Variants in ABCA12 observed in about 807,000 individuals in gnomAD.
ABCA12 encodes glucosylceramide transporter ABCA12.
Under a neutral mutation model 293.5 loss-of-function variants are expected in ABCA12, and 156 were observed. That is an observed-to-expected ratio of 0.53 (90% CI 0.47 to 0.61). The LOEUF (loss-of-function observed/expected upper bound fraction) is 0.61, where lower values mean the gene tolerates loss of function less well. Among genes scored for constraint, ABCA12 ranks in the 20% least tolerant of loss-of-function variants. ABCA12 has a pLI of 0.00. For missense variants in ABCA12, 2,797 were observed against 3,090.2 expected (o/e 0.91, Z 2.25); for synonymous variants, 1,063 against 1,108.0 (o/e 0.96, Z 0.81).
At chr2:214,964,732 A>C (rs1699212434) in intron 39 of ABCA12, among the ~76,000 whole-genome samples, 1 of 152,216 alleles carries the variant, frequency 6.6e-6, no homozygotes, top group Non-Finnish European at 1.5e-5. Flanking sequence ...CAGAGAGAAC[A>C]CAAACAAATG....
chr2:214,980,755 T>C lies in ABCA12; in HGVS notation c.4580-112A>G. 6.5e-6 allele frequency: 9 copies of C among 1,379,688 alleles called. No individual in the cohort carries two copies. In the South Asian group the frequency reaches 1.1e-4, roughly 16 times the overall value. 85.5% of individuals were successfully genotyped at this position (1,379,688 alleles called of 1,614,324 possible). ...GACATCTGAGAAGAGTCACATTTCA[T>C]GAGCTAACTGAAAAACTGACTGACC... On this transcript the variant is annotated intron_variant, in intron 30 of 52. Transcript: ENST00000272895.
In ABCA12 at chr2:214,947,416, TCTTAC is replaced by T. The variant is rs1399743417; in HGVS notation, c.7239+1_7239+5del. 1 of 1,613,824 alleles carries T rather than the reference TCTTAC, an allele frequency of 6.2e-7. No homozygotes were observed. The highest frequency in any genetic ancestry group is 1.7e-5 in the Admixed American group (1 of 60,008). On this transcript the variant is annotated splice_donor_variant and splice_donor_5th_base_variant and intron_variant, in intron 48 of 52. Coordinates refer to ENST00000272895, the MANE Select transcript of ABCA12 (RefSeq NM_173076.3). LOFTEE classifies it high-confidence loss of function. Reference sequence around the variant, plus strand: ...GAGTGGCCTGTTTAAATAATGATTCTCTTACCAGCAGTAGAATGGAAGGTTTCCCT... The same window carrying T: ...GAGTGGCCTGTTTAAATAATGATTCTCAGCAGTAGAATGGAAGGTTTCCCT...
chr2:215,137,889 T>C (rs114555007), intron 1 of ABCA12, among the ~76,000 whole-genome samples: 2,921 of 151,518 alleles, frequency 0.019, 46 homozygotes, highest in African/African-American at 0.041. Context: ...GTCATGTTCT[T>C]TTTTTTTTGC....
At position 215,039,810 on chromosome 2, in the gene ABCA12, T is replaced by C. The variant is rs181370455; in HGVS notation, c.873-2745A>G. ...AGTAAAAAGAAACAGATGAAATTAA[T>C]TTTAATAATATATTTTAACTCCATA... is the stretch of plus-strand genomic sequence containing the variant. On this transcript the variant is annotated intron_variant, in intron 7 of 52. Transcript: ENST00000272895. Among the ~76,000 whole-genome samples, 459 of 152,098 alleles carry C rather than the reference T, an allele frequency of 3.0e-3. 4 individuals are homozygous for C. Among genetic ancestry groups the C allele is most frequent in the African/African-American group, 0.011 (446 of 41,528 alleles).
chr2:215,048,062 GA>G (rs748970933), intron 6 of ABCA12, among the ~76,000 whole-genome samples: 5 of 151,240 alleles, frequency 3.3e-5, no homozygotes, highest in Non-Finnish European at 5.9e-5. Context: ...ACAAGCATAT[GA>G]AAAAAAGCTC....
At chr2:214,949,245 T>A in intron 45 of ABCA12, 96 bp from the exon 46 acceptor site, 1 of 885,856 alleles carries the variant, frequency 1.1e-6, no homozygotes, top group South Asian at 1.3e-5. Flanking sequence ...TGAAATAAAT[T>A]ACCGAGAAAA....
At chr2:214,939,812 T>C (rs922240182) in intron 50 of ABCA12, among the ~76,000 whole-genome samples, 2 of 152,238 alleles carry the variant, frequency 1.3e-5, no homozygotes, top group African/African-American at 4.8e-5. Context: ...ACATTGATTT[T>C]GTATCTTGAG....
intron 2 of ABCA12, among the ~76,000 whole-genome samples, chr2:215,099,618 A>G (rs893689428): frequency 6.6e-6 from 1 of 151,322 alleles, no homozygotes; most frequent in African/African-American, 2.4e-5. Context: ...ACTTGAACAC[A>G]GGAGGTGGAG....
intron 1 of ABCA12, among the ~76,000 whole-genome samples, chr2:215,134,223 A>G (rs1249565068): frequency 2.1e-5 from 3 of 140,872 alleles, no homozygotes; most frequent in Non-Finnish European, 4.5e-5. Flanking sequence ...TTTCTATTTT[A>G]GCATATATAT....
chr2:215,064,662 T>C (rs1200234193), intron 2 of ABCA12, among the ~76,000 whole-genome samples: 7 of 150,342 alleles, frequency 4.7e-5, no homozygotes, highest in Non-Finnish European at 8.9e-5. Context: ...AGAAAACAGA[T>C]GAACAGAAGA....
At chr2:215,063,342 T>G (rs1218093296) in intron 3 of ABCA12, among the ~76,000 whole-genome samples, 1 of 152,002 alleles carries the variant, frequency 6.6e-6, no homozygotes, top group African/African-American at 2.4e-5. Flanking sequence ...TGAGAGATAC[T>G]CAAAAAATAT....
At chr2:215,077,159 C>T (rs1177676793) in intron 2 of ABCA12, among the ~76,000 whole-genome samples, 2 of 152,102 alleles carry the variant, frequency 1.3e-5, no homozygotes, top group Non-Finnish European at 2.9e-5. Context: ...GCAAATATGA[C>T]ATCAAAATAT....
intron 1 of ABCA12, among the ~76,000 whole-genome samples, chr2:215,124,080 C>A (rs559020457): frequency 4.6e-5 from 7 of 152,286 alleles, no homozygotes; most frequent in Non-Finnish European, 8.8e-5. Context: ...TTATCCAGGT[C>A]ACTGCAAATG....
rs1318334426 is a variant in ABCA12 at position 215,025,719 on chromosome 2, G to A, written c.1241C>T (p.Ser414Phe). ...AACTGGAGGAAAGTAATCTTCATAGGAACCATTGCGAAGAAAAGATTTTTT... is the reference window on the plus strand; with the variant it reads ...AACTGGAGGAAAGTAATCTTCATAGAAACCATTGCGAAGAAAAGATTTTTT... The part of the protein sequence containing the change: ...RFKKSFLRNG[S>F]YEDYFPPVPE... The change falls in exon 11 of 53, where the codon TCC becomes TTC. Residue 414 changes from serine (S) to phenylalanine (F), a missense_variant. Transcript: ENST00000272895. The A allele has an allele frequency of 1.2e-6, 2 of 1,612,614 alleles. No individual in the cohort carries two copies. Among genetic ancestry groups the A allele is most frequent in the South Asian group, 2.2e-5 (2 of 91,016 alleles).
intron 2 of ABCA12, among the ~76,000 whole-genome samples, chr2:215,074,740 G>A (rs1037221842): frequency 2.0e-4 from 30 of 152,038 alleles, no homozygotes; most frequent in Admixed American, 1.6e-3. Context: ...TCAGGAGATC[G>A]AGAACATCCT....
intron 28 of ABCA12, 137 bp downstream of exon 28, chr2:214,986,405 T>G: frequency 1.1e-6 from 1 of 935,606 alleles, no homozygotes. Flanking sequence ...TTCTATAGCA[T>G]ACAAGTTGAA....
rs1286163943 is a variant in ABCA12 at position 215,000,991 on chromosome 2, T to C, written c.2893A>G (p.Ser965Gly). ...CCAGAGTCATAGCCTCTGTGCCAGC[T>C]TCTGTTAGAAGGAAGCTTAAAAATA... ...SVIFKLPSNR[S>G]WHRGYDSGNV... The change falls in exon 22 of 53, where the codon AGC (serine) becomes GGC (glycine). Residue 965 changes from serine to glycine, a missense_variant. Ser to Gly is a moderately conservative substitution (Grantham distance 56). Around this residue, in one of 3 missense-constraint regions of ABCA12, gnomAD observed 2,130 missense variants for 2,427.0 expected, o/e 0.88. Coordinates refer to ENST00000272895, the MANE Select transcript of ABCA12 (RefSeq NM_173076.3). The C allele has an allele frequency of 1.2e-6, 2 of 1,613,926 alleles. No homozygotes were observed. Among genetic ancestry groups the C allele is most frequent in the African/African-American group, 2.7e-5 (2 of 74,930 alleles).
chr2:215,047,535 G>T (rs1701227126), intron 6 of ABCA12, among the ~76,000 whole-genome samples: 2 of 152,280 alleles, frequency 1.3e-5, no homozygotes, highest in South Asian at 4.1e-4. Context: ...CATGGGGAAA[G>T]AACTCCCTAT....
At chr2:215,101,361 C>T (rs1326084206) in intron 2 of ABCA12, among the ~76,000 whole-genome samples, 1 of 152,118 alleles carries the variant, frequency 6.6e-6, no homozygotes, top group Non-Finnish European at 1.5e-5. Context: ...CTCTCTGGTC[C>T]TCAACACCAT....
Sources: allele counts gnomAD v4.1 joint callset (sites outside exome capture counted in the v4.1 genomes callset), GRCh38; gene constraint gnomAD v4.1.1; regional missense constraint gnomAD v4.1.1; transcripts MANE v1.5; gene names NCBI Gene and HGNC (gene_info 2026-07-23, HGNC 2026-07-21).